PRPH2: variants seen among roughly 807,000 people sequenced by gnomAD.
The protein encoded by PRPH2 is peripherin 2.
In PRPH2, 17 loss-of-function variants were observed where a neutral mutation model predicts 31.3. That is an observed-to-expected ratio of 0.54 (90% confidence interval 0.37 to 0.81). The LOEUF is 0.81. Among genes scored for constraint, PRPH2 ranks in the 40% least tolerant of loss-of-function variants. The pLI, the probability that PRPH2 is intolerant of heterozygous loss-of-function variation, is 0.00. For missense variants in PRPH2, 430 were observed against 439.7 expected (o/e 0.98, Z 0.20); for synonymous variants, 165 against 184.4 (o/e 0.89, Z 0.85).
At chr6:42,713,599 C>T (rs575553701) in intron 1 of PRPH2, among the ~76,000 whole-genome samples, 24 of 152,050 alleles carry the variant, frequency 1.6e-4, no homozygotes, top group Non-Finnish European at 3.4e-4. Flanking sequence ...CTTTCCCTGT[C>T]CTTCTTGGAG....
intron 1 of PRPH2, among the ~76,000 whole-genome samples, chr6:42,718,948 C>T (rs542732149): frequency 1.8e-4 from 28 of 152,124 alleles, no homozygotes; most frequent in African/African-American, 4.1e-4. Flanking sequence ...TATAGGCGTG[C>T]GCCACTGATC....
At position 42,697,866 on chromosome 6, in the gene PRPH2, C is replaced by A; in HGVS notation, c.*429G>T. ...TTTTCAGATTTCTGTGCTTATGCAC[C>A]AAGTGACACTTTGGATAGAGTGAAG... On this transcript the variant is annotated 3_prime_UTR_variant, in exon 3 of 3. Transcript: ENST00000230381. 1 of 161,546 alleles carries A rather than the reference C, an allele frequency of 6.2e-6. No individual in the cohort carries two copies. The highest frequency in any genetic ancestry group is 1.3e-5 in the Non-Finnish European group (1 of 75,188). The allele number at this position is 161,546 out of a possible 1,614,324, so 10.0% of individuals were successfully genotyped here.
In PRPH2 at chr6:42,722,409, G is replaced by A; in HGVS notation, c.-75C>T. ...AAACCTTAACGAGCCCAGAGGCGGAGACTTAGGGCCTTGGGAAAAGTGCAG... is the reference window on the plus strand; with the variant it reads ...AAACCTTAACGAGCCCAGAGGCGGAAACTTAGGGCCTTGGGAAAAGTGCAG... On this transcript the variant is annotated 5_prime_UTR_variant, in exon 1 of 3. Coordinates refer to ENST00000230381, the MANE Select transcript of PRPH2 (RefSeq NM_000322.5). The surrounding 1 kb of genome is among the most constrained non-coding windows in gnomAD (Gnocchi z 4.4). 1 of 1,590,108 alleles carries A rather than the reference G, an allele frequency of 6.3e-7. No homozygotes were observed. Among genetic ancestry groups the A allele is most frequent in the Non-Finnish European group, 8.5e-7 (1 of 1,173,238 alleles).
At chr6:42,701,602 GGGCTCATGAGAT>G (rs1800045754) in intron 2 of PRPH2, among the ~76,000 whole-genome samples, 1 of 150,956 alleles carries the variant, frequency 6.6e-6, no homozygotes, top group Non-Finnish European at 1.5e-5. Flanking sequence ...TCCATCTCTG[GGGCTCATGAGAT>G]CCTCCCATCT....
At chr6:42,705,722 G>A (rs1046751798) in intron 1 of PRPH2, among the ~76,000 whole-genome samples, 4 of 144,678 alleles carry the variant, frequency 2.8e-5, no homozygotes, top group Admixed American at 6.9e-5. Flanking sequence ...TTTGGGAGAC[G>A]AAGATGGGCA....
At chr6:42,699,750 G>A (rs181760607) in intron 2 of PRPH2, among the ~76,000 whole-genome samples, 12 of 152,162 alleles carry the variant, frequency 7.9e-5, no homozygotes, top group Admixed American at 2.6e-4. Context: ...AATAATTGCC[G>A]GGTGTGGTGG....
chr6:42,720,011 C>T (rs2152010347), intron 1 of PRPH2, among the ~76,000 whole-genome samples: 1 of 152,252 alleles, frequency 6.6e-6, no homozygotes, highest in South Asian at 2.1e-4. Flanking sequence ...CCTATTTTGG[C>T]TTCTTTTAAT....
chr6:42,721,573 G>A (rs1761901411), intron 1 of PRPH2, among the ~76,000 whole-genome samples, 181 bp downstream of exon 1: 2 of 152,126 alleles, frequency 1.3e-5, no homozygotes. Flanking sequence ...GGGTCAAAGA[G>A]GTAGAATATT....
Position 42,722,329 on chromosome 6 carries a change from C to T in PRPH2, c.6G>A (p.Ala2=), listed in dbSNP as rs375969072. M[A]LLKVKFDQKK... is the part of the protein sequence containing the mutation. ...TCTGGTCAAACTTGACTTTCAGTAGCGCCATGCTTGCCAAGTGTAGTCCGG... is the reference window on the plus strand; with the variant it reads ...TCTGGTCAAACTTGACTTTCAGTAGTGCCATGCTTGCCAAGTGTAGTCCGG... The change falls in exon 1 of 3, where the codon GCG becomes GCA. Residue 2 remains alanine, a synonymous_variant. Transcript: ENST00000230381. The surrounding 1 kb of genome is among the most constrained non-coding windows in gnomAD (Gnocchi z 4.4). The T allele has an allele frequency of 6.8e-6, 11 of 1,613,528 alleles. No individual in the cohort carries two copies. The highest frequency in any genetic ancestry group is 1.7e-5 in the Admixed American group (1 of 60,002).
At chr6:42,719,237 C>T (rs962323205) in intron 1 of PRPH2, among the ~76,000 whole-genome samples, 4 of 150,444 alleles carry the variant, frequency 2.7e-5, no homozygotes, top group East Asian at 2.0e-4. Flanking sequence ...GGCAAGATCT[C>T]GGCTCACTGC....
At chr6:42,714,725 C>T (rs1761739264) in intron 1 of PRPH2, among the ~76,000 whole-genome samples, 1 of 152,100 alleles carries the variant, frequency 6.6e-6, no homozygotes, top group Admixed American at 6.5e-5. Flanking sequence ...ACTATGTTGC[C>T]CATGCTGGTA....
intron 1 of PRPH2, among the ~76,000 whole-genome samples, chr6:42,708,487 G>C (rs1204768399): frequency 6.6e-6 from 1 of 152,232 alleles, no homozygotes; most frequent in Non-Finnish European, 1.5e-5. Context: ...CTTCAGCTCG[G>C]GCCTCCCGCT....
In PRPH2 at chr6:42,722,502, G is replaced by A. The variant is rs1263162270; in HGVS notation, c.-168C>T. On this transcript the variant is annotated 5_prime_UTR_variant, in exon 1 of 3. It adds an upstream start codon to the 5' untranslated region. Transcript: ENST00000230381. The surrounding 1 kb of genome is among the most constrained non-coding windows in gnomAD (Gnocchi z 4.4). ...CGAGTCCCACTAGCCTGGGATCCCC[G>A]TGAATGCAGTAGTGGTGGCAGGGGT... 36 of 1,496,346 alleles carry A rather than the reference G, an allele frequency of 2.4e-5. No individual in the cohort carries two copies. The highest frequency in any genetic ancestry group is 2.6e-5 in the South Asian group (2 of 77,534). The allele number at this position is 1,496,346 out of a possible 1,614,324, so 92.7% of individuals were successfully genotyped here.
chr6:42,712,889 T>A (rs1383746961), intron 1 of PRPH2, among the ~76,000 whole-genome samples: 5 of 152,012 alleles, frequency 3.3e-5, no homozygotes, highest in African/African-American at 4.8e-5. Flanking sequence ...TTTTCTATAA[T>A]AGAAGTCGGA....
intron 1 of PRPH2, 93 bp from the exon 2 acceptor site, chr6:42,704,704 G>GTCAT: frequency 6.4e-7 from 1 of 1,564,772 alleles, no homozygotes; most frequent in Non-Finnish European, 8.8e-7. Context: ...ACCTAGAATA[G>GTCAT]TCATTCACTC....
intron 2 of PRPH2, among the ~76,000 whole-genome samples, chr6:42,701,682 ATTTTTTTTTT>A (rs70990127): frequency 1.3e-5 from 1 of 78,524 alleles, no homozygotes; most frequent in African/African-American, 5.0e-5. Flanking sequence ...ACGTCCAGCA[ATTTTTTTTTT>A]TTTTTTTTTT....
intron 1 of PRPH2, 103 bp from the exon 2 acceptor site, chr6:42,704,714 C>G: frequency 6.5e-7 from 1 of 1,538,110 alleles, no homozygotes; most frequent in South Asian, 1.1e-5. Flanking sequence ...GTCATTCACT[C>G]GCACACTTGG....
Position 42,704,629 on chromosome 6 carries a change from A to C in PRPH2, c.582-18T>G. 1 of 1,614,208 alleles carries C rather than the reference A, an allele frequency of 6.2e-7. No homozygotes were observed. Among genetic ancestry groups the C allele is most frequent in the Non-Finnish European group, 8.5e-7 (1 of 1,180,034 alleles). ...TGATTCGACTTAAAGGGAAACAGAC[A>C]GCTGGAGATGGGCTTCCCGGGCTTC... On this transcript the variant is annotated intron_variant, in intron 1 of 2. Transcript: ENST00000230381.
chr6:42,712,459 T>C (rs868184179), intron 1 of PRPH2, among the ~76,000 whole-genome samples: 6 of 152,232 alleles, frequency 3.9e-5, no homozygotes, highest in African/African-American at 1.4e-4. Context: ...GAGATGCCTA[T>C]TAAAGTATTT....
Sources: gnomAD v4.1 joint callset for allele counts (sites outside exome capture counted in the v4.1 genomes callset) on GRCh38, gnomAD v4.1.1 for gene constraint, Gnocchi (gnomAD v3.1) non-coding constraint, MANE v1.5 for transcripts, NCBI Gene and HGNC (gene_info 2026-07-23, HGNC 2026-07-21) for gene names.